The following ABR variants were observed in gnomAD, a reference collection of about 807,000 sequenced individuals.
ABR encodes the protein active breakpoint cluster region-related protein.
A neutral mutation model predicts 107.2 loss-of-function variants in ABR; 35 were observed. The ratio of observed to expected loss-of-function variants is 0.33; its 90% CI spans 0.25 to 0.43. The LOEUF (loss-of-function observed/expected upper bound fraction) is 0.43. Among genes scored for constraint, ABR ranks in the 20% least tolerant of loss-of-function variants. The probability of loss-of-function intolerance (pLI) is 1.00; values close to 1 mark genes in which losing one functional copy is unlikely to be tolerated. For synonymous variants in ABR, 498 were observed against 462.0 expected, an observed-to-expected ratio of 1.08 and a Z score of -1.00; for missense variants, 815 against 1,115.2, an observed-to-expected ratio of 0.73 and a Z score of 3.83.
chr17:1,095,004 C>T (rs1282186219), intron 3 of ABR, among the ~76,000 whole-genome samples: 1 of 152,204 alleles, frequency 6.6e-6, no homozygotes, highest in East Asian at 1.9e-4. Flanking sequence ...GGATTGACAT[C>T]GTCGTAAGAG....
intron 2 of ABR, among the ~76,000 whole-genome samples, chr17:1,104,371 A>G (rs967036884): frequency 6.6e-6 from 1 of 152,212 alleles, no homozygotes. Flanking sequence ...TAAAGCCTCC[A>G]AACATCTGGT....
At chr17:1,144,558 C>T (rs2040449935) in intron 1 of ABR, among the ~76,000 whole-genome samples, 1 of 149,884 alleles carries the variant, frequency 6.7e-6, no homozygotes, top group South Asian at 2.1e-4. Flanking sequence ...AAGAGCATTT[C>T]ACAAACAATA....
chr17:1,041,009 G>A (rs894847199), intron 16 of ABR, among the ~76,000 whole-genome samples: 4 of 152,102 alleles, frequency 2.6e-5, no homozygotes, highest in African/African-American at 9.7e-5. Flanking sequence ...CACCTCCTGG[G>A]TCCTGGTTCA....
Position 1,195,734 on chromosome 17 carries a change from G to A in ABR, c.838+33059C>T, listed in dbSNP as rs567509173. On this transcript the variant is annotated intron_variant, in intron 1 of 22. Transcript: ENST00000574139. Reference sequence around the variant, plus strand: ...CAGGAGAATGGTGTGAACCCGGGAGGCAAAGGTTGCAGTGAGCCGAGATCG... The same window carrying A: ...CAGGAGAATGGTGTGAACCCGGGAGACAAAGGTTGCAGTGAGCCGAGATCG... Among the ~76,000 whole-genome samples the A allele has an allele frequency of 9.3e-5, 14 of 150,534 alleles. No individual in the cohort carries two copies. In the East Asian group the frequency reaches 1.4e-3, roughly 15 times the overall value.
At chr17:1,035,677 C>G (rs1424004122) in intron 16 of ABR, among the ~76,000 whole-genome samples, 2 of 83,616 alleles carry the variant, frequency 2.4e-5, no homozygotes, top group Non-Finnish European at 4.7e-5. Context: ...TGCAAGACTC[C>G]CCCGGCTGGA....
chr17:1,180,751 C>T (rs572427353), upstream of ABR, among the ~76,000 whole-genome samples: 38 of 152,320 alleles, frequency 2.5e-4, no homozygotes, highest in Non-Finnish European at 5.0e-4. Flanking sequence ...CGTTTAGAGA[C>T]GAAATTCCCT....
At chr17:1,083,458 G>A in intron 5 of ABR, 62 bp downstream of exon 5, 1 of 1,250,860 alleles carries the variant, frequency 8.0e-7, no homozygotes, top group Non-Finnish European at 1.1e-6. Flanking sequence ...GGGAGACCAA[G>A]GGCTCTGAGC....
At chr17:1,100,770 A>G in intron 2 of ABR, 35 bp from the exon 3 acceptor site, 1 of 1,607,406 alleles carries the variant, frequency 6.2e-7, no homozygotes, top group Non-Finnish European at 8.5e-7. Flanking sequence ...ACAGCTCATG[A>G]GCAAGGAGGC....
intron 1 of ABR, among the ~76,000 whole-genome samples, chr17:1,163,451 GGCGAA>G (rs1344369240): frequency 2.8e-4 from 43 of 152,272 alleles, no homozygotes; most frequent in African/African-American, 9.6e-4. Flanking sequence ...GTGGGACCCT[GGCGAA>G]GTGTCACACA....
Position 1,092,020 on chromosome 17 carries a change from G to A in ABR, c.346-170C>T, listed in dbSNP as rs1425193601. On this transcript the variant is annotated intron_variant, in intron 3 of 22. Transcript: ENST00000302538. This position sits in a 1 kb window ranked among gnomAD's most constrained non-coding sequence, Gnocchi z 4.6. ...TTGTATCAAGGAGCCACTGCCACAGGCCCCAACAAGCCGCACACTCGACAG... is the reference window on the plus strand; with the variant it reads ...TTGTATCAAGGAGCCACTGCCACAGACCCCAACAAGCCGCACACTCGACAG... Among the ~76,000 whole-genome samples the A allele has an allele frequency of 6.6e-6, 1 of 152,086 alleles. No homozygotes were observed. Among genetic ancestry groups the A allele is most frequent in the African/African-American group, 2.4e-5 (1 of 41,410 alleles).
chr17:1,080,951 G>A (rs560827866), intron 5 of ABR, among the ~76,000 whole-genome samples: 3 of 152,284 alleles, frequency 2.0e-5, no homozygotes, highest in South Asian at 2.1e-4. Context: ...GCACGTCATC[G>A]AGTGAGTCAG....
intron 1 of ABR, among the ~76,000 whole-genome samples, chr17:1,225,450 C>G (rs528899820): frequency 2.2e-4 from 34 of 152,172 alleles, no homozygotes; most frequent in African/African-American, 8.2e-4. Flanking sequence ...GTCAGGAGTT[C>G]AAGACCAGCC....
At chr17:1,115,624 A>G (rs184752113) in intron 2 of ABR, among the ~76,000 whole-genome samples, 1 of 152,332 alleles carries the variant, frequency 6.6e-6, no homozygotes, top group East Asian at 1.9e-4. Context: ...ACATAGTTCA[A>G]CTACATAAAG....
rs147808578 is a variant in ABR at position 1,176,028 on chromosome 17, T to C, written c.61+3639A>G. On this transcript the variant is annotated intron_variant, in intron 1 of 22. Transcript: ENST00000302538. Reference sequence around the variant, plus strand: ...ATGGCGTGAACCTGGGAGGTGGAGCTTGCAGCGAGCTGAGATAGTGCCACT... The same window carrying C: ...ATGGCGTGAACCTGGGAGGTGGAGCCTGCAGCGAGCTGAGATAGTGCCACT... 6.6e-3 allele frequency among the ~76,000 whole-genome samples: 1,008 copies of C among 152,038 alleles called. 34 individuals carry two copies. In the East Asian group the frequency reaches 0.092, roughly 14 times the overall value.
At chr17:1,040,052 C>T (rs539561060) in intron 16 of ABR, among the ~76,000 whole-genome samples, 10 of 152,286 alleles carry the variant, frequency 6.6e-5, no homozygotes, top group African/African-American at 1.4e-4. Context: ...GTGTGGCCCA[C>T]GCGTGAGGCC....
At chr17:1,096,934 G>C (rs1350212102) in intron 3 of ABR, among the ~76,000 whole-genome samples, 11 of 148,360 alleles carry the variant, frequency 7.4e-5, no homozygotes, top group South Asian at 2.2e-4. Flanking sequence ...GCTGGGGAAG[G>C]GGGGAACCTG....
At chr17:1,031,851 T>TCCCTCCCTCCCTCCCTCCCCGCGCGC in intron 16 of ABR, 2 of 1,096,324 alleles carry the variant, frequency 1.8e-6, no homozygotes, top group Non-Finnish European at 2.2e-6. Flanking sequence ...CGCGCTCGCC[T>TCCCTCCCTCCCTCCCTCCCCGCGCGC]CCCTCCCTCC....
At chr17:1,021,880 CG>C (rs2071693671) in intron 16 of ABR, among the ~76,000 whole-genome samples, 1 of 151,282 alleles carries the variant, frequency 6.6e-6, no homozygotes, top group Non-Finnish European at 1.5e-5. Context: ...GACTCCCAGC[CG>C]GGCGCGGTGG....
In ABR at chr17:1,210,600, G is replaced by C. The variant is rs1033147237; in HGVS notation, c.838+18193C>G. Among the ~76,000 whole-genome samples the C allele has an allele frequency of 1.3e-5, 2 of 152,188 alleles. No homozygotes were observed. The highest frequency in any genetic ancestry group is 4.8e-5 in the African/African-American group (2 of 41,464). ...CTCAGCTTCTCTGCACTATCGTCCA[G>C]GTGTCACTCAGCTTTCTGCTATTGT... On this transcript the variant is annotated intron_variant, in intron 1 of 22. Transcript: ENST00000574139. This position sits in a 1 kb window ranked among gnomAD's most constrained non-coding sequence, Gnocchi z 5.6.
Sources: gnomAD v4.1 joint callset for allele counts (sites outside exome capture counted in the v4.1 genomes callset) on GRCh38, gnomAD v4.1.1 for gene constraint, Gnocchi (gnomAD v3.1) non-coding constraint, MANE v1.5 for transcripts, NCBI Gene and HGNC (gene_info 2026-07-23, HGNC 2026-07-21) for gene names.